JAK1: variants seen among roughly 807,000 people sequenced by gnomAD.
JAK1 encodes the protein tyrosine-protein kinase JAK1.
JAK1 carries 16 observed loss-of-function variants against 136.6 expected under a neutral mutation model. The ratio of observed to expected loss-of-function variants is 0.12; its 90% CI spans 0.08 to 0.18. The LOEUF (loss-of-function observed/expected upper bound fraction) is 0.18, where lower values mean the gene tolerates loss of function less well. JAK1 is among the 10% of genes least tolerant of loss of function. The pLI is 1.00. For synonymous variants in JAK1, 492 were observed against 519.5 expected (o/e 0.95, Z 0.72); for missense variants, 859 against 1,450.1 (o/e 0.59, Z 6.62).
intron 2 of JAK1, among the ~76,000 whole-genome samples, chr1:65,033,896 T>G (rs1647047629): frequency 6.6e-6 from 1 of 152,218 alleles, no homozygotes; most frequent in Admixed American, 6.5e-5. Context: ...AAACTTCTGT[T>G]TCCCTTTTCA....
At chr1:64,958,705 A>G (rs1646233754) in intron 1 of JAK1, among the ~76,000 whole-genome samples, 1 of 152,232 alleles carries the variant, frequency 6.6e-6, no homozygotes, top group Non-Finnish European at 1.5e-5. Context: ...TTAGTACAAT[A>G]TAAACATTAT....
intron 1 of JAK1, among the ~76,000 whole-genome samples, chr1:65,048,435 C>T (rs1370103344): frequency 6.6e-6 from 1 of 152,156 alleles, no homozygotes; most frequent in Non-Finnish European, 1.5e-5. Flanking sequence ...GGCAGTATTT[C>T]TCAGGAGGGC....
chr1:64,928,788 A>AAAAAAAAAAAC, intron 1 of JAK1, among the ~76,000 whole-genome samples: 1 of 90,614 alleles, frequency 1.1e-5, no homozygotes, highest in African/African-American at 4.7e-5. Flanking sequence ...CAAAAAAAAA[A>AAAAAAAAAAAC]AAAAAAAACA....
Position 64,836,110 on chromosome 1 carries a change from A to G in JAK1, c.3246T>C (p.Ser1082=). ...HELLTYCDSD[S]SPMALFLKMI... The stretch of plus-strand genomic sequence containing the variant: ...AAGTAGGACTTACAGCCATGGGACT[A>G]GAATCTGAATCACAGTAAGTCAGCA... Residue 1082 remains serine (S), a synonymous_variant, in exon 23 of 25, where the codon TCT becomes TCC. Transcript: ENST00000342505. The G allele has an allele frequency of 1.3e-6, 2 of 1,589,854 alleles. No individual in the cohort carries two copies. Among genetic ancestry groups the G allele is most frequent in the Non-Finnish European group, 1.7e-6 (2 of 1,157,838 alleles).
chr1:64,924,017 G>A (rs1230363755), intron 1 of JAK1, among the ~76,000 whole-genome samples: 4 of 152,136 alleles, frequency 2.6e-5, no homozygotes, highest in Non-Finnish European at 5.9e-5. Flanking sequence ...TCTGTCACGA[G>A]TACATCAGAA....
At chr1:64,988,465 C>G (rs1001715391) in intron 2 of JAK1, among the ~76,000 whole-genome samples, 1 of 152,052 alleles carries the variant, frequency 6.6e-6, no homozygotes, top group Admixed American at 6.6e-5. Context: ...GTAGGCAGCC[C>G]CAAGCTCCTG....
chr1:64,977,883 A>G (rs904863852), intron 2 of JAK1, among the ~76,000 whole-genome samples: 1 of 152,190 alleles, frequency 6.6e-6, no homozygotes, highest in Non-Finnish European at 1.5e-5. Flanking sequence ...CTGAATTTCC[A>G]TAAGCTTTAA....
intron 2 of JAK1, chr1:65,002,354 G>A (rs1241196750): frequency 2.6e-5 from 4 of 152,238 alleles, no homozygotes; most frequent in Non-Finnish European, 5.9e-5. Context: ...TGGAGTGAAA[G>A]CCATTTAGTG....
At chr1:65,036,300 C>T (rs1325120945) in intron 2 of JAK1, among the ~76,000 whole-genome samples, 3 of 151,886 alleles carry the variant, frequency 2.0e-5, no homozygotes, top group Admixed American at 6.6e-5. Flanking sequence ...CCAGGAATAG[C>T]GGTACACATC....
At chr1:65,060,400 T>C (rs539658370) in intron 1 of JAK1, among the ~76,000 whole-genome samples, 2 of 152,284 alleles carry the variant, frequency 1.3e-5, no homozygotes, top group South Asian at 2.1e-4. Flanking sequence ...AATCCTGACA[T>C]ATTTGTAGTT....
intron 2 of JAK1, among the ~76,000 whole-genome samples, chr1:64,994,664 A>G (rs1646687876): frequency 1.3e-5 from 2 of 152,144 alleles, no homozygotes; most frequent in South Asian, 4.1e-4. Flanking sequence ...TCAGGATTAC[A>G]TTTTCAACAC....
chr1:64,896,327 A>G lies in JAK1; in HGVS notation c.-77-9986T>C, dbSNP rs566500966. Among the ~76,000 whole-genome samples the G allele has an allele frequency of 5.9e-5, 9 of 152,352 alleles. No individual in the cohort carries two copies. The South Asian group carries it at 1.7e-3, about 28-fold the overall frequency. ...TCAAAGTATCAAACTATTTAGTGGC[A>G]ATGCCTGGTCATTCCACTTAATTTT... is the stretch of plus-strand genomic sequence containing the variant. On this transcript the variant is annotated intron_variant, in intron 1 of 24. Coordinates refer to ENST00000342505, the MANE Select transcript of JAK1 (RefSeq NM_002227.4).
chr1:64,851,630 T>C (rs310214), intron 11 of JAK1, among the ~76,000 whole-genome samples: 62,682 of 152,054 alleles, frequency 0.41, 14,446 homozygotes, highest in African/African-American at 0.63. Context: ...ACCCAACACA[T>C]TACAAAATCC....
chr1:65,055,302 G>A, intron 1 of JAK1, among the ~76,000 whole-genome samples: 1 of 152,106 alleles, frequency 6.6e-6, no homozygotes, highest in Admixed American at 6.6e-5. Context: ...GTATCTTCAA[G>A]GTTCATCCAT....
intron 2 of JAK1, among the ~76,000 whole-genome samples, chr1:65,044,259 AG>A (rs1647163814): frequency 2.0e-5 from 3 of 152,214 alleles, no homozygotes; most frequent in Admixed American, 2.0e-4. Context: ...TTGGAGGCTC[AG>A]CAGGCTGGGA....
At chr1:64,988,493 C>A (rs1646620902) in intron 2 of JAK1, among the ~76,000 whole-genome samples, 1 of 151,944 alleles carries the variant, frequency 6.6e-6, no homozygotes, top group South Asian at 2.1e-4. Flanking sequence ...CATAGAAACT[C>A]AAAAAACAAG....
chr1:65,051,642 C>A lies in JAK1; in HGVS notation c.-180-7060G>T, dbSNP rs534204773. On this transcript the variant is annotated intron_variant, in intron 1 of 25. Transcript: ENST00000671954. ...ATACTCATTTTCAAATTGAAAAAAA[C>A]CAATGGGAGTCTAAGTAATTTTTCT... 5.3e-5 allele frequency among the ~76,000 whole-genome samples: 8 copies of A among 152,206 alleles called. No homozygotes were observed. In the East Asian group the frequency reaches 7.7e-4, roughly 15 times the overall value.
rs114988727 is a variant in JAK1 at position 64,833,463 on chromosome 1, A to G, written c.*1099T>C. The G allele has an allele frequency of 2.2e-3, 510 of 233,158 alleles. 1 individual carries two copies. Among genetic ancestry groups the G allele is most frequent in the African/African-American group, 0.01 (469 of 45,446 alleles). The allele number at this position is 233,158 out of a possible 1,614,324, so 14.4% of individuals were successfully genotyped here. A position where few individuals can be genotyped will look rare whatever the true frequency, so the allele number is the denominator to read the frequency against. On this transcript the variant is annotated 3_prime_UTR_variant, in exon 25 of 25. Transcript: ENST00000342505. ...TCAGACTCTTGGTCATAAAGACCGT[A>G]ATCGTTCACATTGAATCAATGACTA...
chr1:65,015,539 C>G (rs576080080), intron 2 of JAK1, among the ~76,000 whole-genome samples: 1 of 151,714 alleles, frequency 6.6e-6, no homozygotes, highest in South Asian at 2.1e-4. Context: ...AAAGAGAAAG[C>G]AAAATGTAAA....
Sources: allele counts gnomAD v4.1 joint callset (sites outside exome capture counted in the v4.1 genomes callset), GRCh38; gene constraint gnomAD v4.1.1; transcripts MANE v1.5; gene names NCBI Gene and HGNC (gene_info 2026-07-23, HGNC 2026-07-21).